Variants in SGIP1 observed in about 807,000 individuals in gnomAD.
SGIP1 encodes the protein SH3-containing GRB2-like protein 3-interacting protein 1.
A neutral mutation model predicts 107.5 loss-of-function variants in SGIP1; 38 were observed. The ratio of observed to expected loss-of-function variants is 0.35; its 90% CI spans 0.27 to 0.46. The LOEUF (loss-of-function observed/expected upper bound fraction) is 0.46, where lower values mean the gene tolerates loss of function less well. SGIP1 is among the 20% of genes least tolerant of loss of function. SGIP1 has a pLI of 1.00. For missense variants in SGIP1, 929 were observed against 1,019.5 expected (o/e 0.91, Z 1.21); for synonymous variants, 365 against 366.1 (o/e 1.00, Z 0.03).
chr1:66,631,734 C>T (rs977167635), intron 2 of SGIP1, among the ~76,000 whole-genome samples: 5 of 138,110 alleles, frequency 3.6e-5, no homozygotes, highest in East Asian at 2.1e-4. Context: ...TCTCTTCTCA[C>T]GGGCTCCCTG....
At chr1:66,544,711 A>T (rs2055929966) in intron 1 of SGIP1, among the ~76,000 whole-genome samples, 1 of 152,084 alleles carries the variant, frequency 6.6e-6, no homozygotes, top group South Asian at 2.1e-4. Context: ...ACATATAAAA[A>T]ACCACTAGAA....
chr1:66,668,523 G>C (rs989575134), intron 9 of SGIP1, among the ~76,000 whole-genome samples: 1 of 152,046 alleles, frequency 6.6e-6, no homozygotes, highest in Non-Finnish European at 1.5e-5. Flanking sequence ...CAAAAAGAAG[G>C]GTCTTTGTTA....
At chr1:66,599,738 A>G (rs560159272) in intron 1 of SGIP1, among the ~76,000 whole-genome samples, 1 of 152,330 alleles carries the variant, frequency 6.6e-6, no homozygotes, top group South Asian at 2.1e-4. Flanking sequence ...ATAAATGCTA[A>G]AACAATATTA....
At chr1:66,700,327 C>T (rs1038207197) in intron 18 of SGIP1, among the ~76,000 whole-genome samples, 13 of 148,380 alleles carry the variant, frequency 8.8e-5, no homozygotes, top group East Asian at 4.1e-4. Context: ...GCCAAGATTG[C>T]ACCACTGCAC....
chr1:66,651,093 T>C (rs1221444528), intron 7 of SGIP1, among the ~76,000 whole-genome samples: 1 of 152,222 alleles, frequency 6.6e-6, no homozygotes, highest in African/African-American at 2.4e-5. Flanking sequence ...TAGTACTTTG[T>C]AAGTAAATTT....
In SGIP1 at chr1:66,577,375, A is replaced by G. The variant is rs1450100413; in HGVS notation, c.10+43007A>G. Among the ~76,000 whole-genome samples the G allele has an allele frequency of 2.0e-5, 3 of 152,152 alleles. No homozygotes were observed. The East Asian group carries it at 5.8e-4, about 29-fold the overall frequency. ...AAGAATGTTTGTTGTTTATAGACTG[A>G]CCCTGAACAATTTCTTTTAATTTAC... On this transcript the variant is annotated intron_variant, in intron 1 of 24. Transcript: ENST00000371037.
At chr1:66,646,349 C>A (rs148795361) in intron 7 of SGIP1, among the ~76,000 whole-genome samples, 5,904 of 152,158 alleles carry the variant, frequency 0.039, 140 homozygotes, top group Non-Finnish European at 0.056. Flanking sequence ...AATGATATAT[C>A]AGAATATTTT....
chr1:66,577,330 A>G (rs1191203765), intron 1 of SGIP1, among the ~76,000 whole-genome samples: 1 of 152,196 alleles, frequency 6.6e-6, no homozygotes, highest in African/African-American at 2.4e-5. Flanking sequence ...ATCCAGGTCT[A>G]CATCATATAA....
intron 7 of SGIP1, among the ~76,000 whole-genome samples, chr1:66,653,739 T>C (rs2079172530): frequency 6.6e-6 from 1 of 152,218 alleles, no homozygotes; most frequent in South Asian, 2.1e-4. Context: ...TAGCAAATTA[T>C]TGAATTACAT....
Position 66,660,478 on chromosome 1 carries a change from C to G in SGIP1, c.460-35C>G, listed in dbSNP as rs369654950. The G allele has an allele frequency of 3.1e-6, 5 of 1,599,378 alleles. No homozygotes were observed. The African/African-American group carries it at 6.7e-5, about 21-fold the overall frequency. On this transcript the variant is annotated intron_variant, in intron 7 of 24. Coordinates refer to ENST00000371037, the MANE Select transcript of SGIP1 (RefSeq NM_032291.4). ...AAATACATTTCACCTCTCTCATTTT[C>G]TCTTTATTCTTCCTCCCCATGCCTA...
intron 19 of SGIP1, among the ~76,000 whole-genome samples, chr1:66,719,768 T>A (rs753952747): frequency 6.6e-6 from 1 of 152,304 alleles, no homozygotes; most frequent in South Asian, 2.1e-4. Flanking sequence ...GCAGATCATG[T>A]CTTTTATTGT....
chr1:66,573,865 G>A (rs1244269924), intron 1 of SGIP1, among the ~76,000 whole-genome samples: 1 of 151,884 alleles, frequency 6.6e-6, no homozygotes, highest in Non-Finnish European at 1.5e-5. Context: ...CATGACAAAA[G>A]TTTACCTGTG....
chr1:66,633,184 GA>G (rs1225310599), intron 3 of SGIP1, 90 bp downstream of exon 3: 13 of 837,782 alleles, frequency 1.6e-5, no homozygotes, highest in African/African-American at 5.2e-5. Flanking sequence ...TTCCTGTAGG[GA>G]AAAAAATAGC....
intron 1 of SGIP1, among the ~76,000 whole-genome samples, chr1:66,550,663 C>T (rs886156275): frequency 6.6e-6 from 1 of 152,030 alleles, no homozygotes; most frequent in Non-Finnish European, 1.5e-5. Context: ...TGCGACATGC[C>T]GGAAATTGTT....
chr1:66,675,541 C>CTTTTTTTTTTTTTTTTT (rs71242802), intron 12 of SGIP1, among the ~76,000 whole-genome samples: 12 of 112,376 alleles, frequency 1.1e-4, no homozygotes, highest in African/African-American at 1.9e-4. Flanking sequence ...CTTTTTCTTT[C>CTTTTTTTTTTTTTTTTT]TTTTTTTTTT....
At chr1:66,562,859 T>C (rs1351144858) in intron 1 of SGIP1, among the ~76,000 whole-genome samples, 1 of 152,062 alleles carries the variant, frequency 6.6e-6, no homozygotes, top group African/African-American at 2.4e-5. Flanking sequence ...CCAGGCAATT[T>C]GGCAGGTGAA....
intron 8 of SGIP1, among the ~76,000 whole-genome samples, chr1:66,667,182 C>G (rs777747055): frequency 4.6e-5 from 7 of 151,950 alleles, no homozygotes; most frequent in East Asian, 1.9e-4. Context: ...TCTAAGTACC[C>G]CCCCCCAAAC....
intron 1 of SGIP1, among the ~76,000 whole-genome samples, chr1:66,618,572 A>C (rs1471138968): frequency 1.3e-5 from 2 of 152,180 alleles, no homozygotes. Context: ...TGGTCTTGTT[A>C]CTCATTTGTT....
At chr1:66,645,252 T>C (rs1227385809) in intron 7 of SGIP1, among the ~76,000 whole-genome samples, 2 of 152,138 alleles carry the variant, frequency 1.3e-5, no homozygotes, top group African/African-American at 4.8e-5. Context: ...CCCAGAAACA[T>C]AGTGGATGTT....
Sources: gnomAD v4.1 joint callset for allele counts (sites outside exome capture counted in the v4.1 genomes callset) on GRCh38, gnomAD v4.1.1 for gene constraint, MANE v1.5 for transcripts, NCBI Gene and HGNC (gene_info 2026-07-23, HGNC 2026-07-21) for gene names.